INTS6: variants seen among roughly 807,000 people sequenced by gnomAD.
INTS6 encodes the protein DEAD box protein.
In INTS6, 16 loss-of-function variants were observed where a neutral mutation model predicts 104.9. That is an observed-to-expected ratio of 0.15 (90% CI 0.10 to 0.23). The LOEUF (loss-of-function observed/expected upper bound fraction) is 0.23, where lower values mean the gene tolerates loss of function less well. Among genes scored for constraint, INTS6 ranks in the 10% least tolerant of loss-of-function variants. The probability of loss-of-function intolerance (pLI) is 1.00; values close to 1 mark genes in which losing one functional copy is unlikely to be tolerated. For missense variants in INTS6, 584 were observed against 1,062.8 expected (o/e 0.55, Z 6.26); for synonymous variants, 324 against 358.7 (o/e 0.90, Z 1.09).
intron 11 of INTS6, among the ~76,000 whole-genome samples, chr13:51,379,080 T>C (rs910388441): frequency 6.6e-6 from 1 of 151,946 alleles, no homozygotes; most frequent in African/African-American, 2.4e-5. Context: ...TCTACAAACA[T>C]TTCAAAGAAA....
chr13:51,450,097 A>G lies in INTS6; in HGVS notation c.339+928T>C, dbSNP rs1389155059. Reference sequence around the variant, plus strand: ...TTCCCTGAAATGTACGAAACTCACAAAACTAGGGACTGTGGGACTTGGGAA... The same window carrying G: ...TTCCCTGAAATGTACGAAACTCACAGAACTAGGGACTGTGGGACTTGGGAA... On this transcript the variant is annotated intron_variant, in intron 3 of 17. Coordinates refer to ENST00000311234, the MANE Select transcript of INTS6 (RefSeq NM_012141.3). The G allele has an allele frequency of 8.1e-6, 8 of 985,300 alleles. No individual in the cohort carries two copies. In the Admixed American group the frequency reaches 3.7e-4, roughly 45 times the overall value. The allele number at this position is 985,300 out of a possible 1,614,324, so 61.0% of individuals were successfully genotyped here. A position where few individuals can be genotyped will look rare whatever the true frequency, so the allele number is the denominator to read the frequency against.
intron 10 of INTS6, among the ~76,000 whole-genome samples, chr13:51,379,808 G>A (rs1956010519): frequency 6.6e-6 from 1 of 152,100 alleles, no homozygotes; most frequent in Non-Finnish European, 1.5e-5. Flanking sequence ...AGAAGGATAA[G>A]ATACTGGTCT....
chr13:51,383,688 T>C lies in INTS6; in HGVS notation c.948A>G (p.Pro316=). ...CAAAAGGAAGTTTATCAATAACCAT[T>C]GGTTCACAGTCTGTACAGGAAAACT... ...VVKFSCTDCE[P]MVIDKLPFDK... Residue 316 remains proline, a synonymous_variant, in exon 8 of 18, where the codon CCA becomes CCG. Coordinates refer to ENST00000311234, the MANE Select transcript of INTS6 (RefSeq NM_012141.3). The C allele has an allele frequency of 6.2e-7, 1 of 1,613,940 alleles. No homozygotes were observed. The highest frequency in any genetic ancestry group is 1.1e-5 in the South Asian group (1 of 91,074).
In INTS6 at chr13:51,395,381, T is replaced by C; in HGVS notation, c.532A>G (p.Thr178Ala). 6.2e-7 allele frequency: 1 copy of C among 1,614,024 alleles called. No homozygotes were observed. The highest frequency in any genetic ancestry group is 8.5e-7 in the Non-Finnish European group (1 of 1,179,944). The change falls in exon 5 of 18, where the codon ACC becomes GCC. Residue 178 changes from threonine (T) to alanine (A), a missense_variant. Physicochemically the swap from Thr to Ala is moderately conservative, Grantham distance 58. Coordinates refer to ENST00000311234, the MANE Select transcript of INTS6 (RefSeq NM_012141.3). Reference protein sequence around the residue: ...LFALVLRLPGTMSVESEQLTG... With the variant: ...LFALVLRLPGAMSVESEQLTG... ...AACTGTTCTGATTCTACTGACATGG[T>C]GCCAGGCAACCGCAACACTAATGCA...
intron 9 of INTS6, among the ~76,000 whole-genome samples, chr13:51,382,844 A>C (rs1401458077): frequency 6.6e-6 from 1 of 152,368 alleles, no homozygotes; most frequent in Middle Eastern, 3.4e-3. Context: ...TGGGAGGCCA[A>C]GGCGGGCGGA....
intron 3 of INTS6, chr13:51,443,516 T>G (rs1384087406): frequency 6.6e-6 from 1 of 152,116 alleles, no homozygotes; most frequent in Non-Finnish European, 1.5e-5. Context: ...ATGGTAAACT[T>G]TTATAGACTA....
intron 6 of INTS6, among the ~76,000 whole-genome samples, chr13:51,387,812 A>G (rs1052280422): frequency 1.3e-5 from 2 of 152,166 alleles, no homozygotes; most frequent in East Asian, 1.9e-4. Flanking sequence ...TGGAACACAC[A>G]AAACATACTT....
chr13:51,450,591 G>C (rs968691147), intron 3 of INTS6: 2 of 985,634 alleles, frequency 2.0e-6, no homozygotes, highest in Middle Eastern at 5.2e-4. Context: ...TATACAACAT[G>C]GTCACATTAA....
At chr13:51,392,583 A>G (rs1956263541) in intron 5 of INTS6, among the ~76,000 whole-genome samples, 1 of 152,118 alleles carries the variant, frequency 6.6e-6, no homozygotes, top group Admixed American at 6.5e-5. Flanking sequence ...CTGCCTAGAT[A>G]TTTGTGTAAT....
At position 51,362,914 on chromosome 13, in the gene INTS6, G is replaced by A. The variant is rs1955610036; in HGVS notation, c.*2838C>T. ...TGGAGAGAAAAAGTCCATCAACAGA[G>A]TATGTCTTCCTAGTATTTCACCATG... is the stretch of plus-strand genomic sequence containing the variant. On this transcript the variant is annotated 3_prime_UTR_variant, in exon 18 of 18. Transcript: ENST00000311234. 6.6e-6 allele frequency: 1 copy of A among 152,198 alleles called. No homozygotes were observed. Among genetic ancestry groups the A allele is most frequent in the Non-Finnish European group, 1.5e-5 (1 of 67,868 alleles). 9.4% of individuals were successfully genotyped at this position (152,198 alleles called of 1,614,324 possible). A position where few individuals can be genotyped will look rare whatever the true frequency, so the allele number is the denominator to read the frequency against.
chr13:51,396,766 G>T (rs1283868002), intron 4 of INTS6, among the ~76,000 whole-genome samples: 2 of 152,146 alleles, frequency 1.3e-5, no homozygotes, highest in Non-Finnish European at 2.9e-5. Context: ...CATTATACAG[G>T]ACAAATGACC....
rs1459503854 is a variant in INTS6, at chr13:51,452,854, C to A, written c.-329G>T. ...CCCCGCTCCCGGCCCCTGTGTGTGT[C>A]CCAGCGGGAGACGGGCCTGGCTCCC... On this transcript the variant is annotated 5_prime_UTR_variant, in exon 1 of 18. Transcript: ENST00000311234. This position sits in a 1 kb window ranked among gnomAD's most constrained non-coding sequence, Gnocchi z 4.2. 3.4e-5 allele frequency: 39 copies of A among 1,143,274 alleles called. No homozygotes were observed. Among genetic ancestry groups the A allele is most frequent in the Non-Finnish European group, 4.2e-5 (39 of 925,198 alleles). The allele number at this position is 1,143,274 out of a possible 1,614,324, so 70.8% of individuals were successfully genotyped here. A position where few individuals can be genotyped will look rare whatever the true frequency, so the allele number is the denominator to read the frequency against.
At chr13:51,448,770 C>G (rs1952976496) in intron 3 of INTS6, 1 of 152,144 alleles carries the variant, frequency 6.6e-6, no homozygotes, top group Admixed American at 6.5e-5. Flanking sequence ...TCCACCTAAT[C>G]TTTTCTCATT....
intron 5 of INTS6, among the ~76,000 whole-genome samples, chr13:51,390,568 T>TG (rs1437270390): frequency 6.6e-6 from 1 of 152,036 alleles, no homozygotes; most frequent in Non-Finnish European, 1.5e-5. Flanking sequence ...AAGCTCAATA[T>TG]GATGCCCTAC....
chr13:51,390,283 T>C (rs1052175982), intron 5 of INTS6, among the ~76,000 whole-genome samples: 1 of 152,008 alleles, frequency 6.6e-6, no homozygotes, highest in Non-Finnish European at 1.5e-5. Context: ...CCTGATTTTG[T>C]TGACTTAGTA....
At chr13:51,416,240 G>A (rs1956784117) in intron 4 of INTS6, among the ~76,000 whole-genome samples, 2 of 152,186 alleles carry the variant, frequency 1.3e-5, no homozygotes, top group Non-Finnish European at 2.9e-5. Context: ...TAGTGTGGGT[G>A]TATGAGAGTA....
rs753022928 is a variant in INTS6, at chr13:51,452,073, G to C, written c.112-18C>G. The C allele has an allele frequency of 6.2e-7, 1 of 1,606,910 alleles. No individual in the cohort carries two copies. Among genetic ancestry groups the C allele is most frequent in the Non-Finnish European group, 8.5e-7 (1 of 1,176,274 alleles). On this transcript the variant is annotated intron_variant, in intron 1 of 17. Coordinates refer to ENST00000311234, the MANE Select transcript of INTS6 (RefSeq NM_012141.3). This position sits in a 1 kb window ranked among gnomAD's most constrained non-coding sequence, Gnocchi z 4.2. ...GCACGGAGCTGCGGGACGGGAGGAG[G>C]AACAGGGCGGGCGACAGGGAAGCAC...
chr13:51,350,630 T>A (rs1593640639), downstream of INTS6, among the ~76,000 whole-genome samples: 1 of 152,156 alleles, frequency 6.6e-6, no homozygotes, highest in East Asian at 1.9e-4. Context: ...GTTTCTTTTT[T>A]AAAAAATCAA....
intron 3 of INTS6, among the ~76,000 whole-genome samples, chr13:51,435,628 AC>A (rs1450667543): frequency 2.0e-5 from 3 of 152,098 alleles, no homozygotes; most frequent in Non-Finnish European, 4.4e-5. Flanking sequence ...TTTTGAAAAT[AC>A]TAAGAAAAGG....
Sources: allele counts gnomAD v4.1 joint callset (sites outside exome capture counted in the v4.1 genomes callset), GRCh38; gene constraint gnomAD v4.1.1; non-coding constraint Gnocchi (gnomAD v3.1); transcripts MANE v1.5; gene names NCBI Gene and HGNC (gene_info 2026-07-23, HGNC 2026-07-21).